Variants in DGKB observed in about 807,000 individuals in gnomAD.
DGKB encodes the protein 90 kDa diacylglycerol kinase.
DGKB carries 67 observed loss-of-function variants against 114.3 expected under a neutral mutation model. The ratio of observed to expected loss-of-function variants is 0.59; its 90% CI spans 0.48 to 0.72. DGKB has a LOEUF of 0.72. Ranked by LOEUF, DGKB falls within the 30% of genes least tolerant of loss-of-function variation. The pLI is 0.00. For synonymous variants in DGKB, 398 were observed against 323.1 expected (o/e 1.23, Z -2.49); for missense variants, 907 against 975.2 (o/e 0.93, Z 0.93).
intron 6 of DGKB, among the ~76,000 whole-genome samples, chr7:14,711,193 C>T (rs560717929): frequency 6.6e-6 from 1 of 152,148 alleles, no homozygotes; most frequent in South Asian, 2.1e-4. Context: ...AACACATTAA[C>T]AAGAGTTAAT....
At chr7:14,643,672 G>A (rs2128879223) in intron 13 of DGKB, among the ~76,000 whole-genome samples, 1 of 152,242 alleles carries the variant, frequency 6.6e-6, no homozygotes, top group South Asian at 2.1e-4. Context: ...GCTGAAGCAT[G>A]TGCACACCAA....
intron 25 of DGKB, among the ~76,000 whole-genome samples, chr7:14,170,133 T>TAAA (rs1780660470): frequency 5.5e-5 from 2 of 36,592 alleles, no homozygotes; most frequent in Admixed American, 4.3e-4. Context: ...AAACTCCATC[T>TAAA]CAAAAAAAAA....
chr7:14,400,599 T>G (rs1171453895), intron 21 of DGKB, among the ~76,000 whole-genome samples: 1 of 151,702 alleles, frequency 6.6e-6, no homozygotes, highest in African/African-American at 2.4e-5. Flanking sequence ...TTTTTTTTAT[T>G]TCCAGTATTT....
At chr7:14,935,545 A>T (rs1785229859) in intron 1 of DGKB, among the ~76,000 whole-genome samples, 1 of 152,186 alleles carries the variant, frequency 6.6e-6, no homozygotes, top group South Asian at 2.1e-4. Flanking sequence ...AAATAGCAGC[A>T]GTAATTTTAT....
At chr7:14,933,623 T>C (rs1028110147) in intron 1 of DGKB, among the ~76,000 whole-genome samples, 2 of 152,142 alleles carry the variant, frequency 1.3e-5, no homozygotes, top group African/African-American at 4.8e-5. Flanking sequence ...ATTTAAATGT[T>C]TTTTAACTTA....
intron 2 of DGKB, among the ~76,000 whole-genome samples, chr7:14,820,350 A>G (rs1475081921): frequency 1.3e-5 from 2 of 152,078 alleles, no homozygotes; most frequent in African/African-American, 4.8e-5. Flanking sequence ...TTTTTTCATT[A>G]TTTTCCAAAT....
At position 14,791,798 on chromosome 7, in the gene DGKB, T is replaced by C. The variant is rs182813617; in HGVS notation, c.71-34067A>G. Among the ~76,000 whole-genome samples the C allele has an allele frequency of 3.2e-3, 492 of 152,298 alleles. 2 individuals carry two copies. The highest frequency in any genetic ancestry group is 0.012 in the African/African-American group (484 of 41,582). ...CCATAATTGGACATGACGTATCATT[T>C]TATGTATTCCTGAATTCTACACTAG... On this transcript the variant is annotated intron_variant, in intron 2 of 25. Coordinates refer to ENST00000402815, the MANE Select transcript of DGKB (RefSeq NM_001350709.2).
At chr7:14,324,415 C>T (rs1377913644) in intron 23 of DGKB, among the ~76,000 whole-genome samples, 2 of 149,032 alleles carry the variant, frequency 1.3e-5, no homozygotes, top group African/African-American at 5.0e-5. Context: ...CCACCGCACT[C>T]CAGCCTGGGT....
intron 4 of DGKB, among the ~76,000 whole-genome samples, chr7:14,747,775 G>GCGCGCGCGCGCGCGCGCACA: frequency 6.7e-5 from 10 of 149,178 alleles, no homozygotes; most frequent in African/African-American, 2.5e-4. Flanking sequence ...ACATCCACGC[G>GCGCGCGCGCGCGCGCGCACA]CACGCACACA....
chr7:14,707,315 G>A (rs1826462717), intron 6 of DGKB, among the ~76,000 whole-genome samples: 1 of 149,884 alleles, frequency 6.7e-6, no homozygotes. Flanking sequence ...TGAAATTGTG[G>A]CAATAATCAA....
At chr7:14,339,829 TTCATTTG>T (rs1811312377) in intron 22 of DGKB, among the ~76,000 whole-genome samples, 1 of 151,962 alleles carries the variant, frequency 6.6e-6, no homozygotes, top group South Asian at 2.1e-4. Flanking sequence ...GTGGCGTTGT[TTCATTTG>T]CCATGTCTTA....
At position 14,281,519 on chromosome 7, in the gene DGKB, C is replaced by T. The variant is rs1164334379; in HGVS notation, c.2122+56996G>A. 1.4e-5 allele frequency among the ~76,000 whole-genome samples: 2 copies of T among 147,326 alleles called. 1 individual carries two copies. The highest frequency in any genetic ancestry group is 5.3e-5 in the African/African-American group (2 of 37,518). On this transcript the variant is annotated intron_variant, in intron 23 of 25. Coordinates refer to ENST00000402815, the MANE Select transcript of DGKB (RefSeq NM_001350709.2). ...CTCTGCACCAAGCGGACCTAATAGA[C>T]ATCTACAGAAGTCTCCACCCCAAAT...
At chr7:14,877,373 T>C (rs1052484987) in intron 1 of DGKB, among the ~76,000 whole-genome samples, 1 of 152,028 alleles carries the variant, frequency 6.6e-6, no homozygotes, top group African/African-American at 2.4e-5. Context: ...CTGACCAACA[T>C]GGAGAAACCC....
At chr7:14,542,243 T>A (rs538753387) in intron 20 of DGKB, among the ~76,000 whole-genome samples, 2 of 152,102 alleles carry the variant, frequency 1.3e-5, no homozygotes, top group South Asian at 2.1e-4. Context: ...GGTCTCAAAC[T>A]CTTGGCCTCA....
At chr7:14,557,215 C>T (rs1399025455) in intron 20 of DGKB, among the ~76,000 whole-genome samples, 1 of 152,208 alleles carries the variant, frequency 6.6e-6, no homozygotes, top group Non-Finnish European at 1.5e-5. Context: ...ACCGCTTGCT[C>T]TTCAGCAAAT....
intron 23 of DGKB, among the ~76,000 whole-genome samples, chr7:14,330,128 G>T (rs1481711057): frequency 6.6e-6 from 1 of 151,924 alleles, no homozygotes. Context: ...TTTTAGAATA[G>T]CATGTAGAAT....
intron 21 of DGKB, among the ~76,000 whole-genome samples, chr7:14,463,991 G>A (rs978833519): frequency 6.6e-6 from 1 of 150,722 alleles, no homozygotes; most frequent in Non-Finnish European, 1.5e-5. Context: ...TGGGACTAAC[G>A]ATTAGTGATA....
At chr7:14,315,021 G>C (rs1161839585) in intron 23 of DGKB, among the ~76,000 whole-genome samples, 29 of 151,876 alleles carry the variant, frequency 1.9e-4, no homozygotes, top group East Asian at 1.8e-3. Context: ...AATTTCATAT[G>C]CAGCCAAACT....
At chr7:14,900,565 A>G (rs1358493476) in intron 1 of DGKB, among the ~76,000 whole-genome samples, 1 of 151,814 alleles carries the variant, frequency 6.6e-6, no homozygotes, top group Non-Finnish European at 1.5e-5. Flanking sequence ...TCTGACTACA[A>G]CTCTCCGTTC....
Sources: allele counts gnomAD v4.1 joint callset (sites outside exome capture counted in the v4.1 genomes callset), GRCh38; gene constraint gnomAD v4.1.1; transcripts MANE v1.5; gene names NCBI Gene and HGNC (gene_info 2026-07-23, HGNC 2026-07-21).